The following RANBP17 variants were observed in gnomAD, a reference collection of about 807,000 sequenced individuals.
RANBP17 encodes the protein RAN binding protein 17, also known as ran-binding protein 17.
Under a neutral mutation model 141.2 loss-of-function variants are expected in RANBP17, and 158 were observed. That is an observed-to-expected ratio of 1.12 (90% CI 0.98 to 1.28). The LOEUF is 1.28. RANBP17 is among the 50% of genes most tolerant of loss of function. The pLI is 0.00. For synonymous variants in RANBP17, 430 were observed against 450.0 expected, an observed-to-expected ratio of 0.96 and a Z score of 0.56; for missense variants, 1,438 against 1,290.7, an observed-to-expected ratio of 1.11 and a Z score of -1.75.
intron 16 of RANBP17, among the ~76,000 whole-genome samples, chr5:171,181,461 A>G (rs1760854369): frequency 6.6e-6 from 1 of 152,134 alleles, no homozygotes; most frequent in Non-Finnish European, 1.5e-5. Flanking sequence ...CAGAAAAAAA[A>G]AAAAAGAAAA....
At chr5:170,977,771 G>GTA in intron 14 of RANBP17, among the ~76,000 whole-genome samples, 1 of 152,194 alleles carries the variant, frequency 6.6e-6, no homozygotes, top group South Asian at 2.1e-4. Flanking sequence ...GATTCCAGTG[G>GTA]TTTGAAATGT....
Position 170,914,039 on chromosome 5 carries a change from A to G in RANBP17, c.761-128A>G. The G allele has an allele frequency of 3.1e-6, 2 of 647,806 alleles. 1 individual carries two copies. Among genetic ancestry groups the G allele is most frequent in the South Asian group, 3.5e-5 (2 of 56,444 alleles). The allele number at this position is 647,806 out of a possible 1,614,324, so 40.1% of individuals were successfully genotyped here. A position where few individuals can be genotyped will look rare whatever the true frequency, so the allele number is the denominator to read the frequency against. ...AAAGGAAAATAGCTAGGAATTAAAA[A>G]TAGGCCTAACTGGAAGGAATGGCCA... is the stretch of plus-strand genomic sequence containing the variant. On this transcript the variant is annotated intron_variant, in intron 7 of 27. Transcript: ENST00000523189.
At chr5:171,239,399 A>G (rs977733089) in intron 22 of RANBP17, among the ~76,000 whole-genome samples, 9 of 152,164 alleles carry the variant, frequency 5.9e-5, no homozygotes, top group African/African-American at 2.2e-4. Context: ...CTTAGTACAC[A>G]TGTGATTACC....
intron 14 of RANBP17, among the ~76,000 whole-genome samples, chr5:171,069,011 G>A (rs1293509314): frequency 6.6e-6 from 1 of 152,132 alleles, no homozygotes. Flanking sequence ...GTCATGTGTG[G>A]TCACTGAGGT....
chr5:171,232,423 C>G (rs1581080991), intron 22 of RANBP17, among the ~76,000 whole-genome samples: 1 of 152,098 alleles, frequency 6.6e-6, no homozygotes, highest in East Asian at 1.9e-4. Context: ...ACTACCATGT[C>G]TTTTTCTATC....
At chr5:171,158,051 G>A (rs1581758129) in intron 14 of RANBP17, among the ~76,000 whole-genome samples, 2 of 152,310 alleles carry the variant, frequency 1.3e-5, no homozygotes, top group South Asian at 2.1e-4. Flanking sequence ...TTTCTGAAAA[G>A]CCAGCCTATG....
At chr5:171,254,421 G>A (rs1356442642) in intron 24 of RANBP17, among the ~76,000 whole-genome samples, 2 of 151,918 alleles carry the variant, frequency 1.3e-5, no homozygotes, top group Admixed American at 1.3e-4. Context: ...TTTTTACCCT[G>A]GAAAGAAGTA....
chr5:171,009,871 T>C (rs1364122926), intron 14 of RANBP17, among the ~76,000 whole-genome samples: 1 of 152,114 alleles, frequency 6.6e-6, no homozygotes, highest in Admixed American at 6.6e-5. Flanking sequence ...AGGTAGGAAT[T>C]GGAGGTAAGA....
At chr5:171,062,541 A>G (rs1201159183) in intron 14 of RANBP17, among the ~76,000 whole-genome samples, 1 of 152,146 alleles carries the variant, frequency 6.6e-6, no homozygotes, top group Non-Finnish European at 1.5e-5. Context: ...TGTTAGTCTG[A>G]TGGGCTTCCC....
At position 171,048,592 on chromosome 5, in the gene RANBP17, A is replaced by T. The variant is rs372655349; in HGVS notation, c.1710+80215A>T. Among the ~76,000 whole-genome samples, 3 of 152,188 alleles carry T rather than the reference A, an allele frequency of 2.0e-5. No homozygotes were observed. The East Asian group carries it at 5.8e-4, about 29-fold the overall frequency. On this transcript the variant is annotated intron_variant, in intron 14 of 27. Coordinates refer to ENST00000523189, the MANE Select transcript of RANBP17 (RefSeq NM_022897.5). ...ATTTTGTCACCCAGGTAATAACCAT[A>T]GTACTCGATAGGTAGTCTTTCAGTC...
intron 14 of RANBP17, among the ~76,000 whole-genome samples, chr5:171,060,653 G>A (rs987411052): frequency 2.0e-5 from 3 of 151,988 alleles, no homozygotes; most frequent in African/African-American, 7.2e-5. Flanking sequence ...GCCAGGCTTT[G>A]GTATCAGGAT....
chr5:170,865,410 C>T (rs1425037927), intron 1 of RANBP17, among the ~76,000 whole-genome samples: 1 of 152,046 alleles, frequency 6.6e-6, no homozygotes, highest in Non-Finnish European at 1.5e-5. Flanking sequence ...AATTATTTGC[C>T]CGAGGTCACT....
intron 14 of RANBP17, among the ~76,000 whole-genome samples, chr5:170,981,582 C>G (rs1436813018): frequency 6.6e-6 from 1 of 151,596 alleles, no homozygotes; most frequent in Non-Finnish European, 1.5e-5. Flanking sequence ...TTGCCTGCCA[C>G]TATCCATGTA....
chr5:171,092,762 A>G (rs1276154703), intron 14 of RANBP17, among the ~76,000 whole-genome samples: 1 of 152,218 alleles, frequency 6.6e-6, no homozygotes, highest in Non-Finnish European at 1.5e-5. Context: ...TAGGAAACAC[A>G]GTTGTTATTC....
At chr5:171,147,382 G>GTGTGTGTGTGT (rs1315097543) in intron 14 of RANBP17, among the ~76,000 whole-genome samples, 7 of 32,070 alleles carry the variant, frequency 2.2e-4, no homozygotes, top group South Asian at 1.2e-3. Flanking sequence ...TGTGTGTGTG[G>GTGTGTGTGTGT]TTGTTTGTTT....
intron 22 of RANBP17, among the ~76,000 whole-genome samples, chr5:171,235,626 T>TG (rs1764494362): frequency 6.6e-6 from 1 of 152,096 alleles, no homozygotes; most frequent in African/African-American, 2.4e-5. Flanking sequence ...TTTTTCAAGA[T>TG]GGGGTCTCAC....
At chr5:171,138,645 T>C (rs1757479247) in intron 14 of RANBP17, among the ~76,000 whole-genome samples, 1 of 152,146 alleles carries the variant, frequency 6.6e-6, no homozygotes, top group Admixed American at 6.5e-5. Context: ...TGCTTCTTCC[T>C]ATTTCCCCAA....
chr5:170,977,401 C>T (rs1327409820), intron 14 of RANBP17, among the ~76,000 whole-genome samples: 1 of 151,764 alleles, frequency 6.6e-6, no homozygotes, highest in Non-Finnish European at 1.5e-5. Context: ...TTGCAAGGAA[C>T]GTAAAATATT....
chr5:171,116,313 G>C (rs2127766568), intron 14 of RANBP17, among the ~76,000 whole-genome samples: 1 of 151,790 alleles, frequency 6.6e-6, no homozygotes, highest in Admixed American at 6.6e-5. Flanking sequence ...AGTTGCCCCT[G>C]CCCTCCCATC....
Sources: allele counts gnomAD v4.1 joint callset (sites outside exome capture counted in the v4.1 genomes callset), GRCh38; gene constraint gnomAD v4.1.1; transcripts MANE v1.5; gene names NCBI Gene and HGNC (gene_info 2026-07-23, HGNC 2026-07-21).